PCDHGA1: variants seen among roughly 807,000 people sequenced by gnomAD.
The protein encoded by PCDHGA1 is protocadherin gamma subfamily A, 1.
PCDHGA1 carries 32 observed loss-of-function variants against 58.0 expected under a neutral mutation model. That is an observed-to-expected ratio of 0.55 (90% CI 0.42 to 0.74). PCDHGA1 has a LOEUF of 0.74. PCDHGA1 is among the 30% of genes least tolerant of loss of function. PCDHGA1 has a pLI of 0.00. For synonymous variants in PCDHGA1, 498 were observed against 501.1 expected (o/e 0.99, Z 0.08); for missense variants, 1,205 against 1,182.3 (o/e 1.02, Z -0.28).
chr5:141,476,438 C>G lies in PCDHGA1; in HGVS notation c.2422-18369C>G. On this transcript the variant is annotated intron_variant, in intron 1 of 3. Coordinates refer to ENST00000517417, the MANE Select transcript of PCDHGA1 (RefSeq NM_018912.3). This position sits in a 1 kb window ranked among gnomAD's most constrained non-coding sequence, Gnocchi z 7.6. The stretch of plus-strand genomic sequence containing the variant: ...GACACTGCCCTCTTGCACTGTAACT[C>G]TGGAGTTGGTAGTGGAGAACCCGCT... 1 of 1,614,090 alleles carries G rather than the reference C, an allele frequency of 6.2e-7. No homozygotes were observed. Among genetic ancestry groups the G allele is most frequent in the Non-Finnish European group, 8.5e-7 (1 of 1,180,026 alleles).
At position 141,431,391 on chromosome 5, in the gene PCDHGA1, T is replaced by C; in HGVS notation, c.2422-63416T>C. Reference sequence around the variant, plus strand: ...GAAGAAAAGGCTGCTCACCACCTGGTCCTTACGGCCTCCGACGGGGGCGAC... The same window carrying C: ...GAAGAAAAGGCTGCTCACCACCTGGCCCTTACGGCCTCCGACGGGGGCGAC... On this transcript the variant is annotated intron_variant, in intron 1 of 3. Transcript: ENST00000517417. The surrounding 1 kb of genome is among the most constrained non-coding windows in gnomAD (Gnocchi z 4.8). 1 of 1,613,852 alleles carries C rather than the reference T, an allele frequency of 6.2e-7. No homozygotes were observed.
At chr5:141,343,813 G>C (rs959849362) in intron 1 of PCDHGA1, 4 of 472,472 alleles carry the variant, frequency 8.5e-6, no homozygotes, top group African/African-American at 8.0e-5. Context: ...GGAGAACGCA[G>C]CTGGAGAACT....
At chr5:141,427,722 G>C (rs755543438) in intron 1 of PCDHGA1, 7 of 1,120,986 alleles carry the variant, frequency 6.2e-6, no homozygotes, top group Non-Finnish European at 9.3e-6. Context: ...CCTGGACCTA[G>C]GGCTGAATGG....
Position 141,409,934 on chromosome 5 carries a change from G to A in PCDHGA1, c.2421+76829G>A. The A allele has an allele frequency of 1.9e-6, 3 of 1,613,362 alleles. No individual in the cohort carries two copies. Among genetic ancestry groups the A allele is most frequent in the South Asian group, 2.2e-5 (2 of 91,074 alleles). On this transcript the variant is annotated intron_variant, in intron 1 of 3. Transcript: ENST00000517417. ...TGACGGCTCCGCGTTCTTCGATATG[G>A]TACCTCGCTCTGCAGAGCCCGGCTA...
At chr5:141,365,827 G>T (rs746773273) in intron 1 of PCDHGA1, 5 of 1,613,872 alleles carry the variant, frequency 3.1e-6, no homozygotes, top group Admixed American at 1.7e-5. Flanking sequence ...TTCAGGGGGC[G>T]CCCTTGTCCT....
In PCDHGA1 at chr5:141,489,261, A is replaced by C; in HGVS notation, c.2422-5546A>C. 6.4e-7 allele frequency: 1 copy of C among 1,551,956 alleles called. No individual in the cohort carries two copies. Among genetic ancestry groups the C allele is most frequent in the East Asian group, 2.2e-5 (1 of 44,450 alleles). Reference sequence around the variant, plus strand: ...GGGTCATGGGGCCCAAGACACTCCCACAGCTCGCTGGGAAATGGCAAGTGC... The same window carrying C: ...GGGTCATGGGGCCCAAGACACTCCCCCAGCTCGCTGGGAAATGGCAAGTGC... On this transcript the variant is annotated intron_variant, in intron 1 of 3. Coordinates refer to ENST00000517417, the MANE Select transcript of PCDHGA1 (RefSeq NM_018912.3). The surrounding 1 kb of genome is among the most constrained non-coding windows in gnomAD (Gnocchi z 4.5).
At chr5:141,352,177 G>A (rs892011345) in intron 1 of PCDHGA1, 7 of 1,613,758 alleles carry the variant, frequency 4.3e-6, no homozygotes, top group African/African-American at 4.0e-5. Context: ...AGCGCCTGCT[G>A]GTCGCTGTGC....
chr5:141,345,009 G>T, intron 1 of PCDHGA1: 2 of 1,613,978 alleles, frequency 1.2e-6, no homozygotes, highest in Non-Finnish European at 1.7e-6. Flanking sequence ...GGATGGACCA[G>T]GTCTTCTTTC....
intron 1 of PCDHGA1, chr5:141,394,111 C>T: frequency 1.9e-6 from 3 of 1,613,936 alleles, no homozygotes; most frequent in African/African-American, 2.7e-5. Flanking sequence ...CCACCTCTGT[C>T]CACTGAAACT....
chr5:141,361,931 G>A, intron 1 of PCDHGA1: 3 of 1,606,902 alleles, frequency 1.9e-6, no homozygotes, highest in Non-Finnish European at 2.5e-6. Context: ...GCAGACTCAG[G>A]ACACAACGCT....
chr5:141,354,500 G>A (rs976019279), intron 1 of PCDHGA1, among the ~76,000 whole-genome samples: 1 of 152,218 alleles, frequency 6.6e-6, no homozygotes, highest in Non-Finnish European at 1.5e-5. Context: ...CAGTAGGTGA[G>A]TTTTTTGCAA....
intron 1 of PCDHGA1, among the ~76,000 whole-genome samples, chr5:141,381,836 T>TCTTCTTC (rs1247595630): frequency 6.4e-5 from 9 of 139,950 alleles, no homozygotes; most frequent in African/African-American, 2.6e-4. Flanking sequence ...CTTTTTTTTT[T>TCTTCTTC]TTTTTTTTTT....
chr5:141,394,196 C>T, intron 1 of PCDHGA1: 1 of 1,613,910 alleles, frequency 6.2e-7, no homozygotes, highest in Non-Finnish European at 8.5e-7. Flanking sequence ...CAGCGTATAT[C>T]CTAGAGAACA....
Position 141,486,146 on chromosome 5 carries a change from G to A in PCDHGA1, c.2422-8661G>A, listed in dbSNP as rs533158692. The A allele has an allele frequency of 3.1e-6, 5 of 1,614,184 alleles. No homozygotes were observed. The highest frequency in any genetic ancestry group is 2.2e-5 in the East Asian group (1 of 44,876). The stretch of plus-strand genomic sequence containing the variant: ...TGAATTTGATGTGCGGGCTCGCGAT[G>A]GGGGTTCTCCAGCCATGGAGCAACA... On this transcript the variant is annotated intron_variant, in intron 1 of 3. Transcript: ENST00000517417. The surrounding 1 kb of genome is among the most constrained non-coding windows in gnomAD (Gnocchi z 5.0).
chr5:141,478,553 T>C, intron 1 of PCDHGA1: 1 of 1,602,704 alleles, frequency 6.2e-7, no homozygotes. Context: ...ACAGGTAAGG[T>C]TTAGCAAGTC....
intron 1 of PCDHGA1, chr5:141,387,952 C>G: frequency 2.0e-6 from 3 of 1,491,568 alleles, no homozygotes; most frequent in Non-Finnish European, 2.7e-6. Flanking sequence ...TTCCTGCTGT[C>G]TTTGTTCTGC....
chr5:141,351,113 A>T (rs747085623), intron 1 of PCDHGA1: 1 of 1,614,034 alleles, frequency 6.2e-7, no homozygotes, highest in Non-Finnish European at 8.5e-7. Flanking sequence ...CCCAATAAGT[A>T]CCAGCCTCTT....
chr5:141,361,201 C>T, intron 1 of PCDHGA1: 1 of 1,613,980 alleles, frequency 6.2e-7, no homozygotes, highest in Non-Finnish European at 8.5e-7. Flanking sequence ...ATCTACTCCC[C>T]TACCGGAGGA....
In PCDHGA1 at chr5:141,375,715, C is replaced by T. The variant is rs773544417; in HGVS notation, c.2421+42610C>T. 3.7e-6 allele frequency: 6 copies of T among 1,614,284 alleles called. 1 individual carries two copies. Among genetic ancestry groups the T allele is most frequent in the Non-Finnish European group, 5.1e-6 (6 of 1,180,050 alleles). Reference sequence around the variant, plus strand: ...ACAGCGGGGACCCGCCTCTTAGCAGCAACGTGTCACTGAGCCTGTTTGTGC... The same window carrying T: ...ACAGCGGGGACCCGCCTCTTAGCAGTAACGTGTCACTGAGCCTGTTTGTGC... On this transcript the variant is annotated intron_variant, in intron 1 of 3. Coordinates refer to ENST00000517417, the MANE Select transcript of PCDHGA1 (RefSeq NM_018912.3).
Sources: gnomAD v4.1 joint callset for allele counts (sites outside exome capture counted in the v4.1 genomes callset) on GRCh38, gnomAD v4.1.1 for gene constraint, Gnocchi (gnomAD v3.1) non-coding constraint, MANE v1.5 for transcripts, NCBI Gene and HGNC (gene_info 2026-07-23, HGNC 2026-07-21) for gene names.